BCL2: variants seen among roughly 807,000 people sequenced by gnomAD.
BCL2 encodes apoptosis regulator Bcl-2.
Under a neutral mutation model 14.2 loss-of-function variants are expected in BCL2, and 1 was observed. That is an observed-to-expected ratio of 0.07 (90% CI 0.02 to 0.33). BCL2 has a LOEUF of 0.33. BCL2 is among the 10% of genes least tolerant of loss of function. BCL2 has a pLI of 0.99. For synonymous variants in BCL2, 151 were observed against 137.2 expected (o/e 1.10, Z -0.70); for missense variants, 247 against 305.9 (o/e 0.81, Z 1.44).
At chr18:63,208,477 C>T (rs184233006) in intron 2 of BCL2, among the ~76,000 whole-genome samples, 7 of 152,186 alleles carry the variant, frequency 4.6e-5, no homozygotes, top group South Asian at 2.1e-4. Context: ...CTAAAACAGG[C>T]ACCACACAAA....
intron 2 of BCL2, among the ~76,000 whole-genome samples, chr18:63,307,371 A>T (rs1913177198): frequency 6.6e-6 from 1 of 152,248 alleles, no homozygotes; most frequent in South Asian, 2.1e-4. Context: ...AATTGAGCCA[A>T]ATATTAAATG....
intron 2 of BCL2, among the ~76,000 whole-genome samples, chr18:63,291,717 T>G (rs1020943277): frequency 1.5e-5 from 2 of 132,890 alleles, no homozygotes; most frequent in East Asian, 4.8e-4. Context: ...GGAGTACTCA[T>G]GAGTATTTCT....
At chr18:63,144,851 G>C (rs1914466861) in intron 2 of BCL2, among the ~76,000 whole-genome samples, 1 of 152,164 alleles carries the variant, frequency 6.6e-6, no homozygotes, top group South Asian at 2.1e-4. Flanking sequence ...GAAACCACCA[G>C]TCACAGGACC....
In BCL2 at chr18:63,193,639, CACACATATATATACACAT is replaced by C. The variant is rs903812722; in HGVS notation, c.586-64898_586-64881del. Among the ~76,000 whole-genome samples, 11 of 151,384 alleles carry C rather than the reference CACACATATATATACACAT, an allele frequency of 7.3e-5. No individual in the cohort carries two copies. In the East Asian group the frequency reaches 1.6e-3, roughly 22 times the overall value. ...ACACACACACACATACAAATACACA[CACACATATATATACACAT>C]ACATATATATACACACACACACACA... On this transcript the variant is annotated intron_variant, in intron 2 of 2. Transcript: ENST00000333681.
intron 2 of BCL2, among the ~76,000 whole-genome samples, chr18:63,256,222 A>G (rs1432750643): frequency 2.0e-5 from 3 of 152,144 alleles, no homozygotes; most frequent in Admixed American, 6.5e-5. Flanking sequence ...ATGGAAAAAA[A>G]TTATTATTAT....
At chr18:63,201,522 G>A (rs116261722) in intron 2 of BCL2, among the ~76,000 whole-genome samples, 1,674 of 152,254 alleles carry the variant, frequency 0.011, 14 homozygotes, top group Non-Finnish European at 0.016. Flanking sequence ...AAGGATTTAT[G>A]CACATGTATG....
chr18:63,281,148 T>C (rs1599287894), intron 2 of BCL2, among the ~76,000 whole-genome samples: 1 of 152,026 alleles, frequency 6.6e-6, no homozygotes, highest in African/African-American at 2.4e-5. Flanking sequence ...GGCAGTAGTA[T>C]GGTGGTTGCC....
chr18:63,243,800 A>G (rs1433467673), intron 2 of BCL2, among the ~76,000 whole-genome samples: 1 of 152,260 alleles, frequency 6.6e-6, no homozygotes, highest in Non-Finnish European at 1.5e-5. Flanking sequence ...CAAATTTTCA[A>G]TTCAATCTAA....
At chr18:63,221,766 T>C (rs1163283919) in intron 2 of BCL2, among the ~76,000 whole-genome samples, 3 of 152,252 alleles carry the variant, frequency 2.0e-5, no homozygotes, top group Non-Finnish European at 2.9e-5. Context: ...CTTGTATCCC[T>C]AGCTCAGGAC....
chr18:63,221,895 C>A (rs1910400086), intron 2 of BCL2, among the ~76,000 whole-genome samples: 1 of 152,138 alleles, frequency 6.6e-6, no homozygotes, highest in Non-Finnish European at 1.5e-5. Context: ...AAACACAGTT[C>A]TAGGATCATT....
rs200370819 is a variant in BCL2 at position 63,214,695 on chromosome 18, T to TTTTA, written c.586-85940_586-85937dup. ...GGCCCTAAGGCTCATTTCTTTTCTT[T>TTTTA]TTTATTTATTTATTTATTTATTTAT... On this transcript the variant is annotated intron_variant, in intron 2 of 2. Coordinates refer to ENST00000333681, the MANE Select transcript of BCL2 (RefSeq NM_000633.3). Among the ~76,000 whole-genome samples, 829 of 151,896 alleles carry TTTTA rather than the reference T, an allele frequency of 5.5e-3. 2 individuals carry two copies. Among genetic ancestry groups the TTTTA allele is most frequent in the Non-Finnish European group, 6.4e-3 (437 of 67,962 alleles).
At chr18:63,192,985 A>G (rs556019902) in intron 2 of BCL2, among the ~76,000 whole-genome samples, 3 of 152,318 alleles carry the variant, frequency 2.0e-5, no homozygotes, top group African/African-American at 7.2e-5. Context: ...TGAAGAGAAA[A>G]ACTCCCAAAT....
chr18:63,180,682 GGGGTCTCC>G (rs537824020), intron 2 of BCL2, among the ~76,000 whole-genome samples: 20 of 152,336 alleles, frequency 1.3e-4, no homozygotes, highest in African/African-American at 4.1e-4. Flanking sequence ...TGTAGGATAG[GGGGTCTCC>G]AGCCAATGCT....
At chr18:63,273,142 G>A (rs962183391) in intron 2 of BCL2, among the ~76,000 whole-genome samples, 1 of 152,098 alleles carries the variant, frequency 6.6e-6, no homozygotes, top group African/African-American at 2.4e-5. Context: ...AAATTTTATA[G>A]ACAAAATGTA....
intron 2 of BCL2, among the ~76,000 whole-genome samples, chr18:63,151,853 T>C (rs1003589876): frequency 2.4e-4 from 36 of 152,330 alleles, no homozygotes; most frequent in African/African-American, 8.4e-4. Flanking sequence ...TATATGAAGG[T>C]TTCCAGTGGT....
intron 2 of BCL2, among the ~76,000 whole-genome samples, chr18:63,283,972 C>T (rs993726236): frequency 6.6e-6 from 1 of 152,178 alleles, no homozygotes; most frequent in Non-Finnish European, 1.5e-5. Context: ...GACTCCACAG[C>T]GACAGCAAAG....
chr18:63,198,334 A>C (rs1423101431), intron 2 of BCL2, among the ~76,000 whole-genome samples: 2 of 151,598 alleles, frequency 1.3e-5, no homozygotes, highest in African/African-American at 4.9e-5. Flanking sequence ...ACAGAGACAC[A>C]CACACAGACA....
intron 2 of BCL2, among the ~76,000 whole-genome samples, chr18:63,137,587 T>C (rs1914241669): frequency 6.6e-6 from 1 of 152,164 alleles, no homozygotes; most frequent in African/African-American, 2.4e-5. Context: ...CAGCCTCTAG[T>C]GTCCTCCTCC....
In BCL2 at chr18:63,237,916, T is replaced by C. The variant is rs144216252; in HGVS notation, c.585+80166A>G. Among the ~76,000 whole-genome samples the C allele has an allele frequency of 2.2e-3, 336 of 150,772 alleles. 1 individual carries two copies. The highest frequency in any genetic ancestry group is 7.4e-3 in the African/African-American group (304 of 41,058). ...GCCGCATTTCATCAAGAATACAGAG[T>C]TTCAAAAGCGTTCATTCCAGGGTTG... On this transcript the variant is annotated intron_variant, in intron 2 of 2. Transcript: ENST00000333681.
Sources: allele counts gnomAD v4.1 joint callset (sites outside exome capture counted in the v4.1 genomes callset), GRCh38; gene constraint gnomAD v4.1.1; transcripts MANE v1.5; gene names NCBI Gene and HGNC (gene_info 2026-07-23, HGNC 2026-07-21).